Variants in SDK1 observed in about 807,000 individuals in gnomAD.
SDK1 encodes the protein protein sidekick-1.
SDK1 carries 157 observed loss-of-function variants against 245.5 expected under a neutral mutation model. The ratio of observed to expected loss-of-function variants is 0.64; its 90% CI spans 0.56 to 0.73. SDK1 has a LOEUF of 0.73. SDK1 is among the 30% of genes least tolerant of loss of function. The pLI is 0.00. For synonymous variants in SDK1, 1,647 were observed against 1,278.5 expected (o/e 1.29, Z -6.15); for missense variants, 3,583 against 3,002.3 (o/e 1.19, Z -4.52).
intron 1 of SDK1, among the ~76,000 whole-genome samples, chr7:3,528,568 G>A (rs1360870723): frequency 1.3e-5 from 2 of 152,132 alleles, no homozygotes; most frequent in Non-Finnish European, 1.5e-5. Flanking sequence ...GCTGTCTGGA[G>A]AATCAACCAT....
chr7:3,386,914 C>T (rs1469572457), intron 1 of SDK1, among the ~76,000 whole-genome samples: 1 of 152,142 alleles, frequency 6.6e-6, no homozygotes, highest in East Asian at 1.9e-4. Flanking sequence ...CTGAATGCTG[C>T]AGAGGAATAA....
At chr7:3,813,513 G>T (rs929667217) in intron 4 of SDK1, among the ~76,000 whole-genome samples, 31 of 147,020 alleles carry the variant, frequency 2.1e-4, no homozygotes, top group African/African-American at 6.4e-4. Context: ...GTCTATCATT[G>T]TTGGACATTT....
At chr7:4,245,598 C>T in intron 43 of SDK1, 78 bp from the exon 44 acceptor site, 1 of 1,541,398 alleles carries the variant, frequency 6.5e-7, no homozygotes, top group Non-Finnish European at 8.8e-7. Flanking sequence ...CAATAAAGGC[C>T]AAATGCCAGG....
At chr7:3,465,793 A>T (rs958666840) in intron 1 of SDK1, among the ~76,000 whole-genome samples, 2 of 152,132 alleles carry the variant, frequency 1.3e-5, no homozygotes, top group African/African-American at 2.4e-5. Context: ...TTTGCAGCCT[A>T]TGATGGAGTA....
intron 1 of SDK1, among the ~76,000 whole-genome samples, chr7:3,505,336 C>T (rs1054476126): frequency 1.6e-4 from 24 of 152,124 alleles, no homozygotes; most frequent in African/African-American, 5.3e-4. Context: ...AGCCTCAAAC[C>T]CCTTGGCTCA....
At position 3,722,181 on chromosome 7, in the gene SDK1, G is replaced by C. The variant is rs147982298; in HGVS notation, c.713+80076G>C. Reference sequence around the variant, plus strand: ...AGATGTGAGCCACCAGGCCAGCCCAGGTTAGCAGTAAATCTTGCTAAGATT... The same window carrying C: ...AGATGTGAGCCACCAGGCCAGCCCACGTTAGCAGTAAATCTTGCTAAGATT... On this transcript the variant is annotated intron_variant, in intron 4 of 44. Coordinates refer to ENST00000404826, the MANE Select transcript of SDK1 (RefSeq NM_152744.4). Among the ~76,000 whole-genome samples the C allele has an allele frequency of 1.4e-4, 21 of 152,190 alleles. No individual in the cohort carries two copies. In the East Asian group the frequency reaches 4.1e-3, roughly 30 times the overall value.
intron 1 of SDK1, among the ~76,000 whole-genome samples, chr7:3,311,292 G>T (rs1779543573): frequency 6.6e-6 from 1 of 152,154 alleles, no homozygotes; most frequent in South Asian, 2.1e-4. Context: ...GGAATGGTCA[G>T]TCTTGCTTAG....
chr7:4,189,567 C>G (rs563734132), intron 35 of SDK1, among the ~76,000 whole-genome samples: 14 of 152,152 alleles, frequency 9.2e-5, no homozygotes, highest in African/African-American at 3.4e-4. Context: ...ATCACTCGGC[C>G]GGCCAGGCAT....
chr7:3,979,624 C>G (rs1477780938), intron 13 of SDK1, among the ~76,000 whole-genome samples: 1 of 152,114 alleles, frequency 6.6e-6, no homozygotes, highest in Non-Finnish European at 1.5e-5. Flanking sequence ...AGAGAAGAGG[C>G]TTCTAAACTC....
chr7:3,595,864 A>T (rs1472277294), intron 1 of SDK1, among the ~76,000 whole-genome samples: 1 of 150,158 alleles, frequency 6.7e-6, no homozygotes, highest in Non-Finnish European at 1.5e-5. Context: ...AAACAACAAC[A>T]AAAAAGGAGG....
At chr7:3,983,982 C>T (rs895949637) in intron 13 of SDK1, among the ~76,000 whole-genome samples, 3 of 152,180 alleles carry the variant, frequency 2.0e-5, no homozygotes, top group African/African-American at 7.2e-5. Flanking sequence ...ACACTAAACG[C>T]CTCAAGACTA....
At chr7:3,506,353 T>A (rs1402512037) in intron 1 of SDK1, among the ~76,000 whole-genome samples, 1 of 152,228 alleles carries the variant, frequency 6.6e-6, no homozygotes, top group Admixed American at 6.5e-5. Context: ...TAATCACTCT[T>A]ACCTATTCCC....
At chr7:4,046,005 G>A (rs975955250) in intron 17 of SDK1, among the ~76,000 whole-genome samples, 4 of 150,830 alleles carry the variant, frequency 2.7e-5, no homozygotes, top group African/African-American at 2.4e-5. Context: ...GGTTGCTCAC[G>A]GCAGCCTCAC....
intron 4 of SDK1, among the ~76,000 whole-genome samples, chr7:3,711,740 C>T (rs926461997): frequency 6.6e-6 from 1 of 152,056 alleles, no homozygotes; most frequent in African/African-American, 2.4e-5. Flanking sequence ...TAGGCAGGAA[C>T]CAGATCCTGC....
intron 1 of SDK1, among the ~76,000 whole-genome samples, chr7:3,516,354 G>A (rs890434819): frequency 3.9e-4 from 59 of 151,998 alleles, no homozygotes; most frequent in African/African-American, 1.4e-3. Context: ...AGCTACCTAT[G>A]TCATACCATC....
chr7:3,466,866 C>A (rs1003855817), intron 1 of SDK1, among the ~76,000 whole-genome samples: 1 of 151,704 alleles, frequency 6.6e-6, no homozygotes, highest in Non-Finnish European at 1.5e-5. Flanking sequence ...TAAATTGATA[C>A]TGAATGACTG....
chr7:3,443,077 TTC>T (rs1491471448), intron 1 of SDK1, among the ~76,000 whole-genome samples: 1 of 152,108 alleles, frequency 6.6e-6, no homozygotes, highest in African/African-American at 2.4e-5. Context: ...TTTTTTTTTT[TTC>T]CCTCCCAAGT....
At chr7:4,164,016 G>A (rs975971943) in intron 32 of SDK1, among the ~76,000 whole-genome samples, 1 of 152,140 alleles carries the variant, frequency 6.6e-6, no homozygotes, top group African/African-American at 2.4e-5. Context: ...GCTGCGTCTC[G>A]GCTGCCTTTC....
At chr7:3,998,590 G>A (rs763298121) in intron 14 of SDK1, among the ~76,000 whole-genome samples, 30 of 152,156 alleles carry the variant, frequency 2.0e-4, no homozygotes, top group African/African-American at 7.2e-4. Context: ...CCCTGGACAG[G>A]TTTCAGAGCT....
Sources: gnomAD v4.1 joint callset for allele counts (sites outside exome capture counted in the v4.1 genomes callset) on GRCh38, gnomAD v4.1.1 for gene constraint, MANE v1.5 for transcripts, NCBI Gene and HGNC (gene_info 2026-07-23, HGNC 2026-07-21) for gene names.